THSD4: variants seen among roughly 807,000 people sequenced by gnomAD.
The protein encoded by THSD4 is thrombospondin type-1 domain-containing protein 4.
In THSD4, 69 loss-of-function variants were observed where a neutral mutation model predicts 119.0. That is an observed-to-expected ratio of 0.58 (90% CI 0.48 to 0.71). The LOEUF (loss-of-function observed/expected upper bound fraction) is 0.71. Ranked by LOEUF, THSD4 falls within the 30% of genes least tolerant of loss-of-function variation. The pLI is 0.00. For missense variants in THSD4, 1,393 were observed against 1,391.1 expected (o/e 1.00, Z -0.02); for synonymous variants, 524 against 540.4 (o/e 0.97, Z 0.42).
At chr15:71,196,595 G>C (rs565953110) in intron 3 of THSD4, among the ~76,000 whole-genome samples, 2 of 152,294 alleles carry the variant, frequency 1.3e-5, no homozygotes, top group South Asian at 2.1e-4. Context: ...AGTATCATAG[G>C]AGGAGGTGCT....
chr15:71,238,783 G>GT (rs1464242744), intron 4 of THSD4, among the ~76,000 whole-genome samples: 1 of 152,126 alleles, frequency 6.6e-6, no homozygotes, highest in Non-Finnish European at 1.5e-5. Flanking sequence ...ACAAATGTAT[G>GT]TTTTCATTTC....
intron 6 of THSD4, among the ~76,000 whole-genome samples, chr15:71,345,324 G>A (rs945472717): frequency 2.0e-5 from 3 of 151,934 alleles, no homozygotes; most frequent in Admixed American, 6.6e-5. Context: ...TGGGCCAGAG[G>A]GTATGTAGGA....
chr15:71,652,065 A>G (rs1275676168), intron 7 of THSD4, among the ~76,000 whole-genome samples: 3 of 152,228 alleles, frequency 2.0e-5, no homozygotes, highest in Admixed American at 6.5e-5. Context: ...CCAGTGTGCA[A>G]GCAACCTCCA....
upstream of THSD4, chr15:71,114,883 T>C (rs1400171331): frequency 6.6e-6 from 1 of 152,234 alleles, no homozygotes; most frequent in Admixed American, 6.5e-5. Flanking sequence ...AGGGCTCTTG[T>C]CCTTTCCCCT....
chr15:71,672,793 T>C (rs1231118920), intron 8 of THSD4, among the ~76,000 whole-genome samples: 1 of 152,236 alleles, frequency 6.6e-6, no homozygotes. Flanking sequence ...ATTATGTTTA[T>C]TGATTTGCGT....
At position 71,605,525 on chromosome 15, in the gene THSD4, G is replaced by T. The variant is rs573940856; in HGVS notation, c.1153-55005G>T. Among the ~76,000 whole-genome samples, 4 of 152,208 alleles carry T rather than the reference G, an allele frequency of 2.6e-5. No individual in the cohort carries two copies. In the East Asian group the frequency reaches 7.7e-4, roughly 29 times the overall value. On this transcript the variant is annotated intron_variant, in intron 7 of 17. Transcript: ENST00000261862. ...ACTACTGAACAAACCCAAGTGAGGG[G>T]GAAGATGGCTTGGACCACATGGCAG...
At chr15:71,501,527 T>C (rs1192153937) in intron 7 of THSD4, among the ~76,000 whole-genome samples, 2 of 152,226 alleles carry the variant, frequency 1.3e-5, no homozygotes, top group African/African-American at 4.8e-5. Context: ...ATGAGCTGTT[T>C]ACTGCCTACA....
chr15:71,349,805 C>G (rs942654339), intron 6 of THSD4, among the ~76,000 whole-genome samples: 1 of 152,068 alleles, frequency 6.6e-6, no homozygotes, highest in Admixed American at 6.5e-5. Flanking sequence ...GGTCCTTACT[C>G]TTAGAGGCAG....
At chr15:71,244,708 A>T (rs2044184300) in intron 5 of THSD4, among the ~76,000 whole-genome samples, 1 of 152,198 alleles carries the variant, frequency 6.6e-6, no homozygotes, top group South Asian at 2.1e-4. Flanking sequence ...CAAATGAGGG[A>T]TGGTAGGAAA....
At chr15:71,224,478 A>G (rs1179300178) in intron 4 of THSD4, among the ~76,000 whole-genome samples, 2 of 152,180 alleles carry the variant, frequency 1.3e-5, no homozygotes, top group Non-Finnish European at 2.9e-5. Context: ...GTCTCTGTCA[A>G]TCCAAGAAGC....
In THSD4 at chr15:71,650,566, CCA is replaced by C. The variant is rs1332645435; in HGVS notation, c.1153-9963_1153-9962del. Among the ~76,000 whole-genome samples, 3 of 152,098 alleles carry C rather than the reference CCA, an allele frequency of 2.0e-5. No individual in the cohort carries two copies. The East Asian group carries it at 5.8e-4, about 29-fold the overall frequency. On this transcript the variant is annotated intron_variant, in intron 7 of 17. Coordinates refer to ENST00000261862, the MANE Select transcript of THSD4 (RefSeq NM_024817.3). ...ATGAATAACTCCTCCCTTCTCAGGC[CCA>C]GTCCCAAGGCACAAGGCTACTTGCA...
intron 7 of THSD4, among the ~76,000 whole-genome samples, chr15:71,536,602 A>G (rs1191740671): frequency 3.3e-5 from 5 of 152,228 alleles, no homozygotes; most frequent in Non-Finnish European, 4.4e-5. Context: ...ATGGACAAGT[A>G]AAAATTGTAT....
chr15:71,164,870 T>C, intron 3 of THSD4: 1 of 1,567,226 alleles, frequency 6.4e-7, no homozygotes, highest in East Asian at 2.3e-5. Context: ...TTCCTTCTTT[T>C]TCTTGCTTTT....
chr15:71,655,726 A>G (rs1366619057), intron 7 of THSD4, among the ~76,000 whole-genome samples: 1 of 152,236 alleles, frequency 6.6e-6, no homozygotes, highest in Non-Finnish European at 1.5e-5. Flanking sequence ...AGACAGCACA[A>G]GAACGCATAT....
At chr15:71,104,755 C>A (rs1445624223) in intron 1 of THSD4, among the ~76,000 whole-genome samples, 1 of 152,150 alleles carries the variant, frequency 6.6e-6, no homozygotes, top group East Asian at 1.9e-4. Flanking sequence ...AGGTTATAGG[C>A]GGATTCAGAG....
At chr15:71,602,112 A>AG (rs2050022000) in intron 7 of THSD4, among the ~76,000 whole-genome samples, 2 of 152,074 alleles carry the variant, frequency 1.3e-5, no homozygotes, top group Admixed American at 6.5e-5. Flanking sequence ...AACAGACAGG[A>AG]GGGGTGAGGA....
intron 2 of THSD4, among the ~76,000 whole-genome samples, chr15:71,151,104 A>C (rs2040718400): frequency 6.6e-6 from 1 of 152,154 alleles, no homozygotes; most frequent in Non-Finnish European, 1.5e-5. Flanking sequence ...TTGTAGGGTC[A>C]AGGAAGCCCT....
intron 6 of THSD4, among the ~76,000 whole-genome samples, chr15:71,380,122 T>C (rs2046208246): frequency 6.6e-6 from 1 of 152,124 alleles, no homozygotes; most frequent in African/African-American, 2.4e-5. Context: ...TAGGTTTTCA[T>C]TTTTGTTTAC....
At chr15:71,129,846 G>T (rs1488311504) in intron 1 of THSD4, among the ~76,000 whole-genome samples, 3 of 152,196 alleles carry the variant, frequency 2.0e-5, no homozygotes, top group African/African-American at 4.8e-5. Context: ...ACGTCAATGC[G>T]CAAGCCTCAG....
Sources: gnomAD v4.1 joint callset for allele counts (sites outside exome capture counted in the v4.1 genomes callset) on GRCh38, gnomAD v4.1.1 for gene constraint, MANE v1.5 for transcripts, NCBI Gene and HGNC (gene_info 2026-07-23, HGNC 2026-07-21) for gene names.